FBXO27: variants seen among roughly 807,000 people sequenced by gnomAD.
FBXO27 encodes the protein F-box protein 27, also known as F-box only protein 27.
A neutral mutation model predicts 28.3 loss-of-function variants in FBXO27; 28 were observed. The observed-to-expected ratio is 0.99, with a 90% CI of 0.73 to 1.36. The LOEUF (loss-of-function observed/expected upper bound fraction) is 1.36. Ranked by LOEUF, FBXO27 falls within the 40% of genes most tolerant of loss-of-function variation. The probability of loss-of-function intolerance (pLI) is 0.00; values close to 1 mark genes in which losing one functional copy is unlikely to be tolerated. For missense variants in FBXO27, 388 were observed against 394.1 expected (o/e 0.98, Z 0.13); for synonymous variants, 175 against 167.3 (o/e 1.05, Z -0.36).
In FBXO27 at chr19:39,031,720, G is replaced by T. The variant is rs551940087; in HGVS notation, c.364+144C>A. On this transcript the variant is annotated intron_variant, in intron 2 of 5. Coordinates refer to ENST00000292853, the MANE Select transcript of FBXO27 (RefSeq NM_178820.5). ...TCACACCGGCTCCCAATGCTGCCCCGCCTCTCCGACTCCTCCCACCGGTCC... is the reference window on the plus strand; with the variant it reads ...TCACACCGGCTCCCAATGCTGCCCCTCCTCTCCGACTCCTCCCACCGGTCC... The T allele has an allele frequency of 5.9e-4, 770 of 1,304,086 alleles. 4 individuals carry two copies. The African/African-American group carries it at 0.011, about 19-fold the overall frequency. 80.8% of individuals were successfully genotyped at this position (1,304,086 alleles called of 1,614,324 possible).
chr19:39,014,990 C>T (rs1273666956), intron 1 of FBXO27, among the ~76,000 whole-genome samples: 1 of 141,618 alleles, frequency 7.1e-6, no homozygotes, highest in Non-Finnish European at 1.5e-5. Context: ...TGCACTCCAG[C>T]TTGGGCAACA....
At chr19:39,030,866 C>G in intron 4 of FBXO27, 163 bp downstream of exon 4, 1 of 687,716 alleles carries the variant, frequency 1.5e-6, no homozygotes, top group Admixed American at 2.2e-5. Flanking sequence ...CCTCGACCCC[C>G]CAAAGTGCTG....
chr19:39,022,130 C>T (rs117056408), downstream of FBXO27, among the ~76,000 whole-genome samples: 6,001 of 147,532 alleles, frequency 0.041, 175 homozygotes, highest in Middle Eastern at 0.091. Context: ...GTTTTTTTCC[C>T]CAAATATTTT....
In FBXO27 at chr19:39,031,099, C is replaced by T; in HGVS notation, c.502G>A (p.Asp168Asn). The change falls in exon 4 of 6, where the codon GAC becomes AAC. Residue 168 changes from aspartate (D) to asparagine (N), a missense_variant. By Grantham distance (23) the Asp-to-Asn change is conservative. Transcript: ENST00000292853. ...FSWCCKKQVL[D>N]LEEEGLWPEL... ...GGCCACAGACCCTCCTCCTCTAGGT[C>T]CAAGACCTGCTTCTTGCAACACCAG... The T allele has an allele frequency of 1.9e-6, 3 of 1,614,154 alleles. No individual in the cohort carries two copies. Among genetic ancestry groups the T allele is most frequent in the Non-Finnish European group, 2.5e-6 (3 of 1,180,022 alleles).
At chr19:39,023,259 T>C (rs761971259), downstream of FBXO27, among the ~76,000 whole-genome samples, 1 of 152,126 alleles carries the variant, frequency 6.6e-6, no homozygotes, top group Non-Finnish European at 1.5e-5. Flanking sequence ...CAATCTACAG[T>C]TGGTTGAATC....
intron 2 of FBXO27, among the ~76,000 whole-genome samples, chr19:39,011,983 C>T (rs965871087): frequency 3.3e-5 from 5 of 151,546 alleles, no homozygotes; most frequent in African/African-American, 1.2e-4. Flanking sequence ...TGCCCGCCAC[C>T]ATGACCAGCT....
intron 2 of FBXO27, among the ~76,000 whole-genome samples, chr19:39,008,584 T>C (rs182975911): frequency 1.7e-4 from 26 of 152,326 alleles, no homozygotes; most frequent in Non-Finnish European, 1.5e-4. Context: ...CACAATGTTG[T>C]ACAACCATCA....
intron 4 of FBXO27, among the ~76,000 whole-genome samples, chr19:39,027,792 G>T (rs1178326483): frequency 2.6e-5 from 4 of 151,918 alleles, no homozygotes; most frequent in Non-Finnish European, 5.9e-5. Context: ...GGGACTATAG[G>T]CGTGAGCCAC....
chr19:39,025,867 T>A (rs117965054), intron 5 of FBXO27, among the ~76,000 whole-genome samples: 18,152 of 151,694 alleles, frequency 0.12, 1,217 homozygotes, highest in African/African-American at 0.16. Flanking sequence ...ATACAAAAAA[T>A]ATTAGCTGGG....
chr19:39,022,097 T>C (rs1330548990), downstream of FBXO27, among the ~76,000 whole-genome samples: 1 of 151,990 alleles, frequency 6.6e-6, no homozygotes, highest in African/African-American at 2.4e-5. Context: ...ATTCAAGTTT[T>C]TACTTTTTGA....
At chr19:39,016,478 G>A (rs1452579626) in intron 1 of FBXO27, among the ~76,000 whole-genome samples, 2 of 151,730 alleles carry the variant, frequency 1.3e-5, no homozygotes, top group Admixed American at 6.6e-5. Flanking sequence ...TAGGCTGGGC[G>A]CGGTGGCTCA....
downstream of FBXO27, among the ~76,000 whole-genome samples, chr19:39,019,854 C>T (rs1247275599): frequency 1.1e-4 from 16 of 151,996 alleles, no homozygotes; most frequent in South Asian, 2.1e-4. Context: ...TGGGTTCAAG[C>T]GATTCTACTG....
At chr19:39,031,843 C>G (rs1448246549) in intron 2 of FBXO27, 21 bp downstream of exon 2, 3 of 1,466,142 alleles carry the variant, frequency 2.0e-6, no homozygotes, top group Non-Finnish European at 2.7e-6. Flanking sequence ...GCATCCTGGA[C>G]TTCCTCTTCC....
intron 4 of FBXO27, 24 bp downstream of exon 4, chr19:39,031,005 G>A (rs766174071): frequency 1.3e-6 from 2 of 1,594,782 alleles, no homozygotes; most frequent in Admixed American, 1.7e-5. Flanking sequence ...CTTAGCAAGG[G>A]GCTATTTTAA....
At chr19:39,015,348 A>G (rs1389591023) in intron 1 of FBXO27, among the ~76,000 whole-genome samples, 2 of 130,560 alleles carry the variant, frequency 1.5e-5, no homozygotes, top group East Asian at 2.3e-4. Flanking sequence ...AAAAAAAAAA[A>G]GGCTGAGTGT....
chr19:39,028,270 C>T (rs1322623635), intron 4 of FBXO27, among the ~76,000 whole-genome samples: 2 of 151,934 alleles, frequency 1.3e-5, no homozygotes, highest in Non-Finnish European at 2.9e-5. Context: ...CTGGCTCTCA[C>T]CCTCAGATGC....
downstream of FBXO27, among the ~76,000 whole-genome samples, chr19:39,020,635 A>G (rs473729): frequency 0.84 from 128,284 of 151,818 alleles, 54,224 homozygotes; most frequent in Middle Eastern, 0.91. Flanking sequence ...GGCTACAAAT[A>G]CCATTGAGCC....
intron 4 of FBXO27, among the ~76,000 whole-genome samples, chr19:39,028,212 T>C (rs1026465576): frequency 6.6e-6 from 1 of 151,152 alleles, no homozygotes; most frequent in Non-Finnish European, 1.5e-5. Flanking sequence ...GCCTGGGCGA[T>C]AGAGGGAGAC....
rs551532269 is a variant in FBXO27, at chr19:39,018,109, TAA to T, written c.92-3564_92-3563del. Among the ~76,000 whole-genome samples the T allele has an allele frequency of 8.3e-3, 1,271 of 152,288 alleles. 21 individuals are homozygous for T. The highest frequency in any genetic ancestry group is 0.029 in the African/African-American group (1,211 of 41,566). The stretch of plus-strand genomic sequence containing the variant: ...AATCCTCCTGCCTCAGCCTCCCAAG[TAA>T]CTGGGCTTACAGGTGCCCGCCACCA... On this transcript the variant is annotated intron_variant, in intron 1 of 2. Transcript: ENST00000598394.
Sources: gnomAD v4.1 joint callset for allele counts (sites outside exome capture counted in the v4.1 genomes callset) on GRCh38, gnomAD v4.1.1 for gene constraint, MANE v1.5 for transcripts, NCBI Gene and HGNC (gene_info 2026-07-23, HGNC 2026-07-21) for gene names.